LRRTM4: variants seen among roughly 807,000 people sequenced by gnomAD.
LRRTM4 encodes the protein leucine rich repeat transmembrane neuronal 4.
A neutral mutation model predicts 47.6 loss-of-function variants in LRRTM4; 25 were observed. The ratio of observed to expected loss-of-function variants is 0.53; its 90% CI spans 0.38 to 0.73. The LOEUF is 0.73. LRRTM4 is among the 30% of genes least tolerant of loss of function. The pLI is 0.00. For synonymous variants in LRRTM4, 311 were observed against 269.5 expected (o/e 1.15, Z -1.51); for missense variants, 638 against 713.4 (o/e 0.89, Z 1.20).
At chr2:77,090,016 C>A (rs1036812092) in intron 3 of LRRTM4, among the ~76,000 whole-genome samples, 1 of 152,080 alleles carries the variant, frequency 6.6e-6, no homozygotes, top group Non-Finnish European at 1.5e-5. Context: ...TGTTATCTTC[C>A]TTTTCTACAG....
chr2:77,040,085 A>G (rs1678974791), intron 3 of LRRTM4, among the ~76,000 whole-genome samples: 1 of 151,228 alleles, frequency 6.6e-6, no homozygotes, highest in African/African-American at 2.4e-5. Flanking sequence ...AGCAAAGTAT[A>G]ATAAAAACTG....
chr2:77,145,277 T>C (rs896514976), intron 3 of LRRTM4, among the ~76,000 whole-genome samples: 1 of 151,318 alleles, frequency 6.6e-6, no homozygotes, highest in African/African-American at 2.4e-5. Flanking sequence ...CACATATACA[T>C]AGATGAAATA....
At chr2:77,026,468 A>G (rs1678457956) in intron 3 of LRRTM4, among the ~76,000 whole-genome samples, 1 of 152,256 alleles carries the variant, frequency 6.6e-6, no homozygotes. Flanking sequence ...TGCACTAACA[A>G]AAAAATCTAA....
intron 3 of LRRTM4, among the ~76,000 whole-genome samples, chr2:77,268,912 C>A (rs1358894190): frequency 6.6e-6 from 1 of 152,164 alleles, no homozygotes; most frequent in Non-Finnish European, 1.5e-5. Flanking sequence ...TACTTGTACC[C>A]TGCCCCAGTC....
chr2:77,003,045 G>A (rs1329209807), intron 3 of LRRTM4, among the ~76,000 whole-genome samples: 1 of 152,052 alleles, frequency 6.6e-6, no homozygotes, highest in Non-Finnish European at 1.5e-5. Context: ...TAGCCATATA[G>A]TGGGTACTCA....
At chr2:76,918,250 A>G (rs1200700013) in intron 3 of LRRTM4, among the ~76,000 whole-genome samples, 1 of 152,230 alleles carries the variant, frequency 6.6e-6, no homozygotes, top group African/African-American at 2.4e-5. Context: ...CTAAAAAAGG[A>G]TTAAAATCAC....
In LRRTM4 at chr2:77,074,353, T is replaced by C. The variant is rs715281; in HGVS notation, c.1552-325437A>G. ...GGCTGATCATCTTCAAATTTGGAGC[T>C]TGGAAGTGAATTATTGTCCACAGTC... On this transcript the variant is annotated intron_variant, in intron 3 of 3. Coordinates refer to ENST00000409884, the MANE Select transcript of LRRTM4 (RefSeq NM_001134745.3). Among the ~76,000 whole-genome samples, 367 of 152,290 alleles carry C rather than the reference T, an allele frequency of 2.4e-3. 17 individuals are homozygous for C. In the East Asian group the frequency reaches 0.065, roughly 27 times the overall value.
chr2:77,051,015 A>AT (rs776648650), intron 3 of LRRTM4, among the ~76,000 whole-genome samples: 161 of 149,156 alleles, frequency 1.1e-3, no homozygotes, highest in South Asian at 2.6e-3. Context: ...TACTTAAAAC[A>AT]TTTTTTTTTT....
chr2:77,122,351 T>C (rs1486483756), intron 3 of LRRTM4, among the ~76,000 whole-genome samples: 1 of 151,498 alleles, frequency 6.6e-6, no homozygotes, highest in Non-Finnish European at 1.5e-5. Flanking sequence ...TTTTTGTCTT[T>C]TGTTATTCTT....
Position 76,838,728 on chromosome 2 carries a change from G to A in LRRTM4, c.1552-89812C>T, listed in dbSNP as rs75484644. Among the ~76,000 whole-genome samples the A allele has an allele frequency of 5.3e-5, 8 of 152,106 alleles. No homozygotes were observed. The East Asian group carries it at 1.2e-3, about 22-fold the overall frequency. On this transcript the variant is annotated intron_variant, in intron 3 of 3. Coordinates refer to ENST00000409884, the MANE Select transcript of LRRTM4 (RefSeq NM_001134745.3). ...GTAAAAATGCATTTTTAAGAAATTGGTGTTATTTGGATGAAATGATGCTCT... is the reference window on the plus strand; with the variant it reads ...GTAAAAATGCATTTTTAAGAAATTGATGTTATTTGGATGAAATGATGCTCT...
At chr2:76,820,867 C>T (rs1671032799) in intron 3 of LRRTM4, among the ~76,000 whole-genome samples, 1 of 151,764 alleles carries the variant, frequency 6.6e-6, no homozygotes, top group Non-Finnish European at 1.5e-5. Context: ...GAAGCAGTTA[C>T]AGCATCTGAA....
intron 3 of LRRTM4, among the ~76,000 whole-genome samples, chr2:77,105,918 T>A (rs1671081960): frequency 6.6e-6 from 1 of 152,218 alleles, no homozygotes; most frequent in Admixed American, 6.5e-5. Context: ...CTTCAATTTA[T>A]AATTTCTTAC....
intron 3 of LRRTM4, among the ~76,000 whole-genome samples, chr2:76,888,122 A>G (rs956976265): frequency 8.6e-5 from 13 of 150,688 alleles, no homozygotes; most frequent in South Asian, 4.2e-4. Flanking sequence ...ATGTATACAT[A>G]TGTGTGTGTA....
chr2:77,318,479 T>A (rs372172422), intron 3 of LRRTM4, among the ~76,000 whole-genome samples: 1 of 152,164 alleles, frequency 6.6e-6, no homozygotes, highest in African/African-American at 2.4e-5. Context: ...AAAACTTTCA[T>A]AGAACTGCTG....
At chr2:77,015,418 C>T (rs1678027319) in intron 3 of LRRTM4, among the ~76,000 whole-genome samples, 1 of 152,078 alleles carries the variant, frequency 6.6e-6, no homozygotes, top group Non-Finnish European at 1.5e-5. Flanking sequence ...CTCACTGCAA[C>T]CTCCACCTCT....
At chr2:77,161,752 C>T (rs1672734920) in intron 3 of LRRTM4, among the ~76,000 whole-genome samples, 1 of 152,022 alleles carries the variant, frequency 6.6e-6, no homozygotes, top group African/African-American at 2.4e-5. Flanking sequence ...TAGGTAAACT[C>T]TTAATTTTTT....
At chr2:76,836,215 G>C (rs1391266885) in intron 3 of LRRTM4, among the ~76,000 whole-genome samples, 1 of 149,756 alleles carries the variant, frequency 6.7e-6, no homozygotes, top group Non-Finnish European at 1.5e-5. Flanking sequence ...ATTCCTTTTT[G>C]TCAGTAGAAT....
At chr2:76,822,106 CG>C (rs1238083674) in intron 3 of LRRTM4, among the ~76,000 whole-genome samples, 2 of 151,344 alleles carry the variant, frequency 1.3e-5, no homozygotes, top group African/African-American at 4.8e-5. Context: ...ATTCCAGAGT[CG>C]AACAGAGATC....
At chr2:77,182,264 C>A (rs1454971333) in intron 3 of LRRTM4, among the ~76,000 whole-genome samples, 1 of 152,126 alleles carries the variant, frequency 6.6e-6, no homozygotes, top group African/African-American at 2.4e-5. Flanking sequence ...AGATCGTGTC[C>A]TTTACAGGGA....
Sources: gnomAD v4.1 joint callset for allele counts (sites outside exome capture counted in the v4.1 genomes callset) on GRCh38, gnomAD v4.1.1 for gene constraint, MANE v1.5 for transcripts, NCBI Gene and HGNC (gene_info 2026-07-23, HGNC 2026-07-21) for gene names.